Variants in CSMD2 observed in about 807,000 individuals in gnomAD.
The protein encoded by CSMD2 is CUB and Sushi multiple domains 2.
CSMD2 carries 130 observed loss-of-function variants against 398.5 expected under a neutral mutation model. The ratio of observed to expected loss-of-function variants is 0.33; its 90% CI spans 0.28 to 0.38. The LOEUF is 0.38. Ranked by LOEUF, CSMD2 falls within the 10% of genes least tolerant of loss-of-function variation. The pLI, the probability that CSMD2 is intolerant of heterozygous loss-of-function variation, is 1.00. For synonymous variants in CSMD2, 1,828 were observed against 1,908.5 expected, an observed-to-expected ratio of 0.96 and a Z score of 1.10; for missense variants, 3,829 against 4,764.9, an observed-to-expected ratio of 0.80 and a Z score of 5.78.
intron 6 of CSMD2, among the ~76,000 whole-genome samples, chr1:33,833,823 T>C (rs1006024760): frequency 5.3e-5 from 8 of 152,110 alleles, no homozygotes; most frequent in African/African-American, 1.9e-4. Context: ...AAAATCAATG[T>C]ACAAAAATCA....
intron 1 of CSMD2, among the ~76,000 whole-genome samples, chr1:34,130,804 C>T (rs1571215504): frequency 6.6e-6 from 1 of 152,204 alleles, no homozygotes; most frequent in Middle Eastern, 3.4e-3. Flanking sequence ...CTATAGCATC[C>T]ATTTTCCAAC....
chr1:33,524,533 T>C (rs1468961413), intron 66 of CSMD2, among the ~76,000 whole-genome samples: 1 of 152,246 alleles, frequency 6.6e-6, no homozygotes, highest in Non-Finnish European at 1.5e-5. Flanking sequence ...GTTTACTTTT[T>C]TTTTGATGAT....
intron 6 of CSMD2, among the ~76,000 whole-genome samples, chr1:33,836,850 A>C (rs1406356496): frequency 6.6e-6 from 1 of 152,164 alleles, no homozygotes; most frequent in African/African-American, 2.4e-5. Flanking sequence ...GCTCAGGCTC[A>C]GTGCACTGCA....
chr1:33,770,986 A>T (rs1251135230), intron 13 of CSMD2, among the ~76,000 whole-genome samples: 3 of 152,214 alleles, frequency 2.0e-5, no homozygotes, highest in African/African-American at 7.2e-5. Context: ...GTCAAGCAAC[A>T]GTCCCTCAGC....
At chr1:33,814,976 C>T (rs757296137) in intron 9 of CSMD2, among the ~76,000 whole-genome samples, 6 of 152,048 alleles carry the variant, frequency 3.9e-5, no homozygotes, top group Non-Finnish European at 8.8e-5. Context: ...TCTTCCTCAT[C>T]GCTCTCATAT....
rs1642744770 is a variant in CSMD2 at position 33,635,517 on chromosome 1, A to C, written c.4970-187T>G. Reference sequence around the variant, plus strand: ...CAAGAACGTGCACCCCTGGCCTGGCATGTAGCCTGAAACTTGCCCTGAAGC... The same window carrying C: ...CAAGAACGTGCACCCCTGGCCTGGCCTGTAGCCTGAAACTTGCCCTGAAGC... On this transcript the variant is annotated intron_variant, in intron 30 of 70. Coordinates refer to ENST00000373381, the MANE Select transcript of CSMD2 (RefSeq NM_001281956.2). The surrounding 1 kb of genome is among the most constrained non-coding windows in gnomAD (Gnocchi z 5.0). Among the ~76,000 whole-genome samples the C allele has an allele frequency of 1.3e-5, 2 of 152,324 alleles. No individual in the cohort carries two copies. Among genetic ancestry groups the C allele is most frequent in the South Asian group, 4.1e-4 (2 of 4,828 alleles).
intron 29 of CSMD2, 146 bp downstream of exon 29, chr1:33,646,502 C>A: frequency 1.3e-6 from 1 of 798,648 alleles, no homozygotes; most frequent in Non-Finnish European, 2.0e-6. Flanking sequence ...GCAGGAAAGG[C>A]AGGTTTCTGC....
At chr1:34,088,225 A>G (rs1039585747) in intron 2 of CSMD2, among the ~76,000 whole-genome samples, 6 of 152,234 alleles carry the variant, frequency 3.9e-5, no homozygotes, top group African/African-American at 1.4e-4. Context: ...CTTGTAAGCC[A>G]TTAACCCTTT....
intron 3 of CSMD2, among the ~76,000 whole-genome samples, chr1:33,955,934 T>G (rs1053751831): frequency 6.6e-6 from 1 of 152,118 alleles, no homozygotes; most frequent in Non-Finnish European, 1.5e-5. Flanking sequence ...CAGTGCATGA[T>G]GTAGGCTGAT....
intron 3 of CSMD2, among the ~76,000 whole-genome samples, chr1:33,992,706 A>G (rs1570742954): frequency 6.6e-6 from 1 of 150,386 alleles, no homozygotes; most frequent in East Asian, 2.0e-4. Context: ...GTCTCTACTA[A>G]AAATAAAAAT....
At chr1:33,725,260 C>G (rs1054701569) in intron 17 of CSMD2, 89 bp downstream of exon 17, 2 of 1,116,058 alleles carry the variant, frequency 1.8e-6, no homozygotes, top group African/African-American at 3.1e-5. Flanking sequence ...TGGGGCCAAG[C>G]AGGGGCCTGT....
intron 5 of CSMD2, among the ~76,000 whole-genome samples, chr1:33,867,241 G>C (rs1209392454): frequency 2.0e-5 from 3 of 152,260 alleles, no homozygotes; most frequent in Non-Finnish European, 4.4e-5. Flanking sequence ...ACAAGGAACT[G>C]TGGGAAATGT....
At chr1:33,597,995 T>TTA (rs1639951769) in intron 44 of CSMD2, among the ~76,000 whole-genome samples, 1 of 152,216 alleles carries the variant, frequency 6.6e-6, no homozygotes, top group Admixed American at 6.5e-5. Context: ...AATGATTGTC[T>TTA]TTACATAACA....
At position 34,141,998 on chromosome 1, in the gene CSMD2, G is replaced by A. The variant is rs530487262; in HGVS notation, c.187+22913C>T. Among the ~76,000 whole-genome samples the A allele has an allele frequency of 2.6e-5, 4 of 152,222 alleles. No individual in the cohort carries two copies. The East Asian group carries it at 7.7e-4, about 29-fold the overall frequency. On this transcript the variant is annotated intron_variant, in intron 1 of 70. Transcript: ENST00000373381. ...TCAAGGGTGACCACCAGGTTTCTGG[G>A]CACCACGTTGCACGGTGACTGCTCT...
At chr1:33,691,792 C>G (rs997151286) in intron 25 of CSMD2, among the ~76,000 whole-genome samples, 1 of 152,198 alleles carries the variant, frequency 6.6e-6, no homozygotes, top group African/African-American at 2.4e-5. Context: ...CATAACCAGG[C>G]TATACTTTAC....
At chr1:33,893,380 C>T (rs1199274255) in intron 5 of CSMD2, among the ~76,000 whole-genome samples, 1 of 152,214 alleles carries the variant, frequency 6.6e-6, no homozygotes, top group African/African-American at 2.4e-5. Context: ...AGATCCTGGC[C>T]TCTTCCCATG....
intron 7 of CSMD2, among the ~76,000 whole-genome samples, chr1:33,823,771 C>T (rs946329250): frequency 2.0e-5 from 3 of 152,188 alleles, no homozygotes; most frequent in Non-Finnish European, 4.4e-5. Flanking sequence ...CTGAGGAACT[C>T]TTAGAATGGA....
intron 3 of CSMD2, among the ~76,000 whole-genome samples, chr1:34,003,181 C>T (rs1646953660): frequency 1.3e-5 from 2 of 151,646 alleles, no homozygotes; most frequent in South Asian, 4.2e-4. Context: ...ATGCCCAAGT[C>T]CCAGGTACTT....
chr1:33,556,500 T>G (rs1657988256), intron 55 of CSMD2, among the ~76,000 whole-genome samples: 1 of 152,156 alleles, frequency 6.6e-6, no homozygotes, highest in Non-Finnish European at 1.5e-5. Flanking sequence ...CCCTCTTGAG[T>G]GCATCTTCAC....
Sources: gnomAD v4.1 joint callset for allele counts (sites outside exome capture counted in the v4.1 genomes callset) on GRCh38, gnomAD v4.1.1 for gene constraint, Gnocchi (gnomAD v3.1) non-coding constraint, MANE v1.5 for transcripts, NCBI Gene and HGNC (gene_info 2026-07-23, HGNC 2026-07-21) for gene names.